Variants in CACNA1E observed in about 807,000 individuals in gnomAD.
The protein encoded by CACNA1E is calcium voltage-gated channel subunit alpha1 E.
In CACNA1E, 40 loss-of-function variants were observed where a neutral mutation model predicts 259.2. That is an observed-to-expected ratio of 0.15 (90% CI 0.12 to 0.20). The LOEUF (loss-of-function observed/expected upper bound fraction) is 0.20, where lower values mean the gene tolerates loss of function less well. Among genes scored for constraint, CACNA1E ranks in the 10% least tolerant of loss-of-function variants. The probability of loss-of-function intolerance (pLI) is 1.00; values close to 1 mark genes in which losing one functional copy is unlikely to be tolerated. For synonymous variants in CACNA1E, 1,104 were observed against 1,138.5 expected, an observed-to-expected ratio of 0.97 and a Z score of 0.61; for missense variants, 1,874 against 3,040.1, an observed-to-expected ratio of 0.62 and a Z score of 9.02.
intron 6 of CACNA1E, among the ~76,000 whole-genome samples, chr1:181,611,999 C>T (rs370310967): frequency 6.6e-6 from 1 of 152,004 alleles, no homozygotes; most frequent in East Asian, 1.9e-4. Context: ...CATCTGAAGG[C>T]CAATGCACCA....
At chr1:181,578,944 TA>T in intron 4 of CACNA1E, 127 bp from the exon 5 acceptor site, 1 of 720,846 alleles carries the variant, frequency 1.4e-6, no homozygotes, top group Non-Finnish European at 2.2e-6. Flanking sequence ...GAGCACATTC[TA>T]ATAAATTTAA....
At chr1:181,391,858 G>A (rs1656300940) in intron 1 of CACNA1E, among the ~76,000 whole-genome samples, 1 of 151,984 alleles carries the variant, frequency 6.6e-6, no homozygotes, top group East Asian at 1.9e-4. Context: ...CCATAGCACA[G>A]GAATCTGGTC....
chr1:181,691,955 C>A (rs1651205875), intron 7 of CACNA1E, among the ~76,000 whole-genome samples: 1 of 151,976 alleles, frequency 6.6e-6, no homozygotes. Context: ...AACTGATGAA[C>A]AACTTCAGTG....
In CACNA1E at chr1:181,750,500, G is replaced by A. The variant is rs372306099; in HGVS notation, c.3731+13G>A. On this transcript the variant is annotated intron_variant, in intron 26 of 47. Coordinates refer to ENST00000367573, the MANE Select transcript of CACNA1E (RefSeq NM_001205293.3). ...GGAACGCTTTGGGGTAAATATGTTC[G>A]ATTATCTTTGAAGTAAACGATACAA... 3.0e-5 allele frequency: 49 copies of A among 1,611,146 alleles called. No homozygotes were observed. The African/African-American group carries it at 3.3e-4, about 11-fold the overall frequency.
At chr1:181,367,726 T>C (rs879658374) in intron 1 of CACNA1E, among the ~76,000 whole-genome samples, 12 of 151,616 alleles carry the variant, frequency 7.9e-5, no homozygotes, top group Admixed American at 5.9e-4. Context: ...TAAAAATGTT[T>C]CATAAGAGAT....
chr1:181,521,702 A>G (rs1667005124), intron 3 of CACNA1E, among the ~76,000 whole-genome samples: 1 of 152,212 alleles, frequency 6.6e-6, no homozygotes, highest in Non-Finnish European at 1.5e-5. Flanking sequence ...AACATGCTGC[A>G]TAGGAGAAGA....
chr1:181,613,269 G>A (rs1253881202), intron 6 of CACNA1E, among the ~76,000 whole-genome samples: 2 of 152,076 alleles, frequency 1.3e-5, no homozygotes, highest in Non-Finnish European at 2.9e-5. Context: ...TGAGGGCTAG[G>A]AGTGCTGACC....
chr1:181,800,873 T>C lies in CACNA1E; in HGVS notation c.*2039T>C, dbSNP rs550096846. On this transcript the variant is annotated 3_prime_UTR_variant, in exon 48 of 48. Transcript: ENST00000367573. ...CCCACGGTCAGCCCCCAAACCAAAG[T>C]TGTCCCAACAGAGGAGGCCAGTGAG... The C allele has an allele frequency of 3.9e-5, 6 of 152,794 alleles. No individual in the cohort carries two copies. The highest frequency in any genetic ancestry group is 1.4e-4 in the African/African-American group (6 of 41,574). 9.5% of individuals were successfully genotyped at this position (152,794 alleles called of 1,614,324 possible). A position where few individuals can be genotyped will look rare whatever the true frequency, so the allele number is the denominator to read the frequency against.
At chr1:181,426,775 C>A (rs541700018) in intron 2 of CACNA1E, among the ~76,000 whole-genome samples, 19 of 150,646 alleles carry the variant, frequency 1.3e-4, no homozygotes, top group African/African-American at 4.4e-4. Context: ...CAATCTCAAC[C>A]CCTTCACAAC....
At chr1:181,497,175 C>T (rs1200823989) in intron 1 of CACNA1E, among the ~76,000 whole-genome samples, 4 of 152,144 alleles carry the variant, frequency 2.6e-5, no homozygotes. Flanking sequence ...TAACCTCTTT[C>T]CCTGGCGATG....
chr1:181,379,338 A>G (rs1009473521), intron 1 of CACNA1E, among the ~76,000 whole-genome samples: 2 of 152,356 alleles, frequency 1.3e-5, no homozygotes, highest in South Asian at 4.1e-4. Flanking sequence ...AATGAAAACT[A>G]TAAATCTACA....
At chr1:181,550,098 C>G (rs1461066871) in intron 3 of CACNA1E, among the ~76,000 whole-genome samples, 2 of 152,072 alleles carry the variant, frequency 1.3e-5, no homozygotes, top group Non-Finnish European at 2.9e-5. Flanking sequence ...AGGACACCAT[C>G]TTTACTGTCT....
At chr1:181,542,834 C>G (rs1357617483) in intron 3 of CACNA1E, among the ~76,000 whole-genome samples, 4 of 150,212 alleles carry the variant, frequency 2.7e-5, no homozygotes, top group Non-Finnish European at 4.4e-5. Flanking sequence ...CCTAAAGTAA[C>G]TTTTGTGGAA....
Position 181,438,712 on chromosome 1 carries a change from A to G in CACNA1E, c.434+25132A>G, listed in dbSNP as rs1289440375. ...CTCTTGTCACTGATGAGGGAGATGG[A>G]AATTTGCACGCGTACACTGGTGGGA... On this transcript the variant is annotated intron_variant, in intron 2 of 11. Coordinates refer to the CACNA1E transcript ENST00000524607. Among the ~76,000 whole-genome samples, 3 of 152,192 alleles carry G rather than the reference A, an allele frequency of 2.0e-5. No individual in the cohort carries two copies. The East Asian group carries it at 5.8e-4, about 29-fold the overall frequency.
intron 1 of CACNA1E, among the ~76,000 whole-genome samples, chr1:181,497,892 A>G (rs981849088): frequency 2.0e-5 from 3 of 152,226 alleles, no homozygotes; most frequent in African/African-American, 7.2e-5. Context: ...TCATCATGAA[A>G]TGGACCTGAG....
At chr1:181,414,069 C>T (rs1430119744) in intron 2 of CACNA1E, among the ~76,000 whole-genome samples, 1 of 152,218 alleles carries the variant, frequency 6.6e-6, no homozygotes, top group African/African-American at 2.4e-5. Context: ...TGTGGCCACT[C>T]CTGGCTTTAT....
chr1:181,757,148 T>C, intron 30 of CACNA1E, 22 bp downstream of exon 30: 1 of 1,572,514 alleles, frequency 6.4e-7, no homozygotes, highest in Non-Finnish European at 8.7e-7. Context: ...TGGTCTAAAG[T>C]GGGGAGCAGC....
intron 2 of CACNA1E, among the ~76,000 whole-genome samples, chr1:181,474,980 A>T (rs1662750068): frequency 6.6e-6 from 1 of 152,184 alleles, no homozygotes. Context: ...TCCTGTTTAT[A>T]TCATCTGGGT....
chr1:181,371,216 T>A (rs1394958033), intron 1 of CACNA1E, among the ~76,000 whole-genome samples: 1 of 152,196 alleles, frequency 6.6e-6, no homozygotes, highest in Non-Finnish European at 1.5e-5. Context: ...ATTTTGTAGG[T>A]TGTCTGTTTA....
Sources: allele counts gnomAD v4.1 joint callset (sites outside exome capture counted in the v4.1 genomes callset), GRCh38; gene constraint gnomAD v4.1.1; transcripts MANE v1.5; gene names NCBI Gene and HGNC (gene_info 2026-07-23, HGNC 2026-07-21).